PIK3C2G: variants seen among roughly 807,000 people sequenced by gnomAD.
PIK3C2G encodes phosphatidylinositol-4-phosphate 3-kinase catalytic subunit type 2 gamma.
Under a neutral mutation model 181.1 loss-of-function variants are expected in PIK3C2G, and 168 were observed. That is an observed-to-expected ratio of 0.93 (90% CI 0.82 to 1.05). The LOEUF is 1.05. Ranked by LOEUF, PIK3C2G falls within the 50% of genes least tolerant of loss-of-function variation. The pLI, the probability that PIK3C2G is intolerant of heterozygous loss-of-function variation, is 0.00. For synonymous variants in PIK3C2G, 573 were observed against 592.2 expected, an observed-to-expected ratio of 0.97 and a Z score of 0.47; for missense variants, 1,869 against 1,732.8, an observed-to-expected ratio of 1.08 and a Z score of -1.40.
intron 29 of PIK3C2G, among the ~76,000 whole-genome samples, chr12:18,575,728 T>G (rs1435410190): frequency 6.6e-6 from 1 of 152,190 alleles, no homozygotes; most frequent in Non-Finnish European, 1.5e-5. Context: ...GGAAAAGTCG[T>G]GCTAGGCAAA....
intron 18 of PIK3C2G, among the ~76,000 whole-genome samples, chr12:18,437,059 G>C (rs192798902): frequency 4.6e-5 from 7 of 151,888 alleles, no homozygotes; most frequent in Admixed American, 1.3e-4. Context: ...ATTTTTTCTG[G>C]CTTCTCTATT....
intron 18 of PIK3C2G, among the ~76,000 whole-genome samples, chr12:18,429,318 T>G (rs973675499): frequency 1.3e-5 from 2 of 152,184 alleles, no homozygotes; most frequent in African/African-American, 4.8e-5. Flanking sequence ...ACCCTGATTT[T>G]GGACTTCTGG....
Position 18,381,797 on chromosome 12 carries a change from A to C in PIK3C2G, c.1912A>C (p.Met638Leu). ...KSILGSMLFS[M>L]TLQSEPPVEM... ...CATTCTCGGGTCTATGCTGTTCAGC[A>C]TGACATTACAGAGTGAGCCTCCCGT... The change falls in exon 14 of 33, where the codon ATG (methionine) becomes CTG (leucine). Residue 638 changes from methionine to leucine, a missense_variant. Physicochemically the swap from Met to Leu is conservative, Grantham distance 15 (BLOSUM62 2). Transcript: ENST00000538779. 1.2e-6 allele frequency: 2 copies of C among 1,613,482 alleles called. No homozygotes were observed. The highest frequency in any genetic ancestry group is 1.7e-6 in the Non-Finnish European group (2 of 1,179,404).
chr12:18,604,210 GC>G (rs1263234343), intron 30 of PIK3C2G, among the ~76,000 whole-genome samples: 1 of 152,128 alleles, frequency 6.6e-6, no homozygotes, highest in Non-Finnish European at 1.5e-5. Flanking sequence ...GGCATTTCAT[GC>G]AAATGTACAC....
At chr12:18,588,692 C>T (rs1222972664) in intron 29 of PIK3C2G, among the ~76,000 whole-genome samples, 1 of 152,050 alleles carries the variant, frequency 6.6e-6, no homozygotes, top group Non-Finnish European at 1.5e-5. Context: ...GGTGATTCCT[C>T]AAGAAGCTAG....
intron 13 of PIK3C2G, among the ~76,000 whole-genome samples, chr12:18,373,703 A>T (rs942308165): frequency 1.7e-4 from 26 of 152,018 alleles, no homozygotes; most frequent in Admixed American, 1.6e-3. Context: ...TACAAAAAAA[A>T]TTAGCCGGCC....
At chr12:18,683,173 A>G in the PIK3C2G span, 8 of 1,343,126 alleles carry the variant, frequency 6.0e-6, no homozygotes, top group Non-Finnish European at 8.5e-6. Flanking sequence ...AAGAAAACAT[A>G]AAGACATTCA....
chr12:18,599,064 T>C (rs1173133293), intron 30 of PIK3C2G, among the ~76,000 whole-genome samples: 2 of 151,918 alleles, frequency 1.3e-5, no homozygotes, highest in Non-Finnish European at 2.9e-5. Context: ...TGTAAACTAG[T>C]TCAACCACTG....
At chr12:18,647,762 T>C in intron 32 of PIK3C2G, 114 bp from the exon 33 acceptor site, 1 of 471,256 alleles carries the variant, frequency 2.1e-6, no homozygotes, top group South Asian at 7.2e-5. Context: ...TTAACCTATC[T>C]ATTCCAGGGT....
intron 31 of PIK3C2G, among the ~76,000 whole-genome samples, chr12:18,613,183 T>C (rs1016605024): frequency 2.3e-4 from 35 of 152,132 alleles, no homozygotes; most frequent in African/African-American, 8.0e-4. Context: ...CATGGATTTT[T>C]TTCTAGTCTG....
intron 1 of PIK3C2G, among the ~76,000 whole-genome samples, chr12:18,277,182 T>A (rs1368357738): frequency 6.6e-6 from 1 of 152,186 alleles, no homozygotes; most frequent in Non-Finnish European, 1.5e-5. Flanking sequence ...GTCTATCTAG[T>A]TATTATCTTC....
At chr12:18,575,759 A>G (rs908063579) in intron 29 of PIK3C2G, among the ~76,000 whole-genome samples, 4 of 152,222 alleles carry the variant, frequency 2.6e-5, no homozygotes, top group Non-Finnish European at 5.9e-5. Flanking sequence ...AAAACAAAAC[A>G]TTATGGTTAC....
chr12:18,565,307 C>T (rs1945569118), intron 28 of PIK3C2G, among the ~76,000 whole-genome samples: 1 of 152,088 alleles, frequency 6.6e-6, no homozygotes, highest in South Asian at 2.1e-4. Flanking sequence ...TTCAAATCAG[C>T]TATTTGTGTT....
chr12:18,282,786 A>C (rs942533083), intron 2 of PIK3C2G, 27 bp downstream of exon 2: 1 of 1,387,398 alleles, frequency 7.2e-7, no homozygotes, highest in Non-Finnish European at 9.8e-7. Flanking sequence ...TCAATGTAAA[A>C]ATATGAATCT....
At chr12:18,324,169 G>C (rs529172916) in intron 7 of PIK3C2G, among the ~76,000 whole-genome samples, 2 of 151,706 alleles carry the variant, frequency 1.3e-5, no homozygotes, top group African/African-American at 2.4e-5. Flanking sequence ...TGCAGTGAGC[G>C]GAGATCGCGC....
At chr12:18,640,775 A>G (rs1006072414) in intron 32 of PIK3C2G, among the ~76,000 whole-genome samples, 1 of 152,182 alleles carries the variant, frequency 6.6e-6, no homozygotes, top group Non-Finnish European at 1.5e-5. Context: ...ATTTGCAAGT[A>G]TGGCTAACCT....
intron 6 of PIK3C2G, among the ~76,000 whole-genome samples, chr12:18,318,257 G>C (rs928028981): frequency 1.2e-4 from 18 of 152,046 alleles, no homozygotes; most frequent in African/African-American, 4.1e-4. Context: ...TATGTAACAA[G>C]AAAGTAAAAG....
At chr12:18,566,928 C>A (rs776077168) in intron 28 of PIK3C2G, 21 bp from the exon 29 acceptor site, 38 of 1,323,004 alleles carry the variant, frequency 2.9e-5, no homozygotes, top group Non-Finnish European at 3.8e-5. Context: ...ATGAAGATAA[C>A]TTTTTTTTCT....
At chr12:18,442,092 C>G (rs979894136) in intron 18 of PIK3C2G, among the ~76,000 whole-genome samples, 1 of 152,052 alleles carries the variant, frequency 6.6e-6, no homozygotes, top group Non-Finnish European at 1.5e-5. Flanking sequence ...CATTTATGAT[C>G]TGCACTATAG....
Sources: gnomAD v4.1 joint callset for allele counts (sites outside exome capture counted in the v4.1 genomes callset) on GRCh38, gnomAD v4.1.1 for gene constraint, MANE v1.5 for transcripts, NCBI Gene and HGNC (gene_info 2026-07-23, HGNC 2026-07-21) for gene names.